TSPOAP1: variants seen among roughly 807,000 people sequenced by gnomAD.
TSPOAP1 encodes the protein peripheral-type benzodiazepine receptor-associated protein 1.
Under a neutral mutation model 197.0 loss-of-function variants are expected in TSPOAP1, and 87 were observed. The observed-to-expected ratio is 0.44, with a 90% CI of 0.37 to 0.53. TSPOAP1 has a LOEUF of 0.53. Among genes scored for constraint, TSPOAP1 ranks in the 20% least tolerant of loss-of-function variants. The pLI, the probability that TSPOAP1 is intolerant of heterozygous loss-of-function variation, is 0.00. For missense variants in TSPOAP1, 2,174 were observed against 2,411.3 expected, an observed-to-expected ratio of 0.90 and a Z score of 2.06; for synonymous variants, 913 against 998.9, an observed-to-expected ratio of 0.91 and a Z score of 1.62.
In TSPOAP1 at chr17:58,302,287, C is replaced by T; in HGVS notation, c.*193G>A. The stretch of plus-strand genomic sequence containing the variant: ...ACAGCTTCACTCCTTCTTCCCAGAG[C>T]CCAGCCTCCTGAGGAGCTGCTTCCC... On this transcript the variant is annotated 3_prime_UTR_variant, in exon 32 of 32. Coordinates refer to ENST00000343736, the MANE Select transcript of TSPOAP1 (RefSeq NM_004758.4). The T allele has an allele frequency of 1.6e-6, 2 of 1,289,660 alleles. No homozygotes were observed. The highest frequency in any genetic ancestry group is 2.5e-5 in the South Asian group (2 of 81,030). 79.9% of individuals were successfully genotyped at this position (1,289,660 alleles called of 1,614,324 possible).
In TSPOAP1 at chr17:58,304,242, A is replaced by G; in HGVS notation, c.*32+96T>C. 1 of 1,097,106 alleles carries G rather than the reference A, an allele frequency of 9.1e-7. No individual in the cohort carries two copies. The highest frequency in any genetic ancestry group is 1.4e-6 in the Non-Finnish European group (1 of 736,834). 68.0% of individuals were successfully genotyped at this position (1,097,106 alleles called of 1,614,324 possible). A position where few individuals can be genotyped will look rare whatever the true frequency, so the allele number is the denominator to read the frequency against. On this transcript the variant is annotated intron_variant, in intron 31 of 31. Transcript: ENST00000343736. The surrounding 1 kb of genome is among the most constrained non-coding windows in gnomAD (Gnocchi z 4.2). ...GCCATTCCCTGGACTACAGTGGGAA[A>G]GCTGGGTCAGCTCCAGTATTTGAGA...
In TSPOAP1 at chr17:58,306,347, T is replaced by C. The variant is rs1015707651; in HGVS notation, c.5219A>G (p.Lys1740Arg). The change falls in exon 26 of 32, where the codon AAG (lysine) becomes AGG (arginine). Residue 1740 changes from lysine to arginine, a missense_variant. Physicochemically the swap from Lys to Arg is conservative, Grantham distance 26. Coordinates refer to ENST00000343736, the MANE Select transcript of TSPOAP1 (RefSeq NM_004758.4). The part of the protein sequence containing the change: ...TGPPPKPRRS[K>R]KAESEGPAQP... ...GAGAATGGGGTCTTACCCACCTTTC[T>C]TGGAGCGGCGGGGCTTGGGAGGAGG... 1.3e-6 allele frequency: 2 copies of C among 1,554,540 alleles called. No homozygotes were observed. The highest frequency in any genetic ancestry group is 1.2e-5 in the South Asian group (1 of 84,198).
intron 29 of TSPOAP1, 29 bp from the exon 30 acceptor site, chr17:58,305,200 A>G: frequency 6.4e-7 from 1 of 1,567,948 alleles, no homozygotes; most frequent in Non-Finnish European, 8.8e-7. Flanking sequence ...TGAGACTGAG[A>G]TCAGGAAAGA....
In TSPOAP1 at chr17:58,302,308, T is replaced by A. The variant is rs1467200722; in HGVS notation, c.*172A>T. 7.8e-7 allele frequency: 1 copy of A among 1,289,494 alleles called. No homozygotes were observed. Among genetic ancestry groups the A allele is most frequent in the Admixed American group, 2.3e-5 (1 of 43,538 alleles). The allele number at this position is 1,289,494 out of a possible 1,614,324, so 79.9% of individuals were successfully genotyped here. Reference sequence around the variant, plus strand: ...AGAGCCCAGCCTCCTGAGGAGCTGCTTCCCCTTGGAGAAGAAACCCCACAC... The same window carrying A: ...AGAGCCCAGCCTCCTGAGGAGCTGCATCCCCTTGGAGAAGAAACCCCACAC... On this transcript the variant is annotated 3_prime_UTR_variant, in exon 32 of 32. Transcript: ENST00000343736.
chr17:58,319,579 C>T (rs1260229341), intron 12 of TSPOAP1, among the ~76,000 whole-genome samples: 1 of 152,256 alleles, frequency 6.6e-6, no homozygotes, highest in Admixed American at 6.5e-5. Context: ...GATGGCACCT[C>T]TGCCTCTGGC....
Position 58,310,612 on chromosome 17 carries a change from G to A in TSPOAP1, c.3599C>T (p.Pro1200Leu), listed in dbSNP as rs142431736. Residue 1200 changes from proline (P) to leucine (L), a missense_variant, in exon 20 of 32, where the codon CCG becomes CTG. By Grantham distance (98) the Pro-to-Leu change is moderately conservative. Coordinates refer to ENST00000343736, the MANE Select transcript of TSPOAP1 (RefSeq NM_004758.4). ...EAEWTAGEAC[P>L]ASSSTQGARA... ...TGCTCCCTGGGTGGAGCTGGAGGCC[G>A]GACAGGCCTCTCCTGCAGTCCACTC... 301 of 1,613,116 alleles carry A rather than the reference G, an allele frequency of 1.9e-4. No homozygotes were observed. Among genetic ancestry groups the A allele is most frequent in the Non-Finnish European group, 2.4e-4 (278 of 1,180,042 alleles).
rs1452758677 is a variant in TSPOAP1 at position 58,319,155 on chromosome 17, C to T, written c.1634G>A (p.Gly545Glu). ...LTSALDCGSLGDCPPPPCCCS... is the reference protein window; with the variant it reads ...LTSALDCGSLEDCPPPPCCCS... Reference sequence around the variant, plus strand: ...GCAGCAGGGGGGTGGTGGGCAGTCTCCAAGGCTCCCACAGTCCAGGGCAGA... The same window carrying T: ...GCAGCAGGGGGGTGGTGGGCAGTCTTCAAGGCTCCCACAGTCCAGGGCAGA... Residue 545 changes from glycine to glutamate, a missense_variant, in exon 13 of 32, where the codon GGA becomes GAA. Gly to Glu is a moderately conservative substitution (Grantham distance 98). Around this residue, in one of 5 missense-constraint regions of TSPOAP1, gnomAD observed 1,933 missense variants for 2,139.0 expected, o/e 0.90. Coordinates refer to ENST00000343736, the MANE Select transcript of TSPOAP1 (RefSeq NM_004758.4). 22 of 1,559,882 alleles carry T rather than the reference C, an allele frequency of 1.4e-5. No homozygotes were observed. Among genetic ancestry groups the T allele is most frequent in the Non-Finnish European group, 1.9e-5 (22 of 1,151,306 alleles).
intron 7 of TSPOAP1, 44 bp downstream of exon 7, chr17:58,323,254 G>T: frequency 6.2e-7 from 1 of 1,609,728 alleles, no homozygotes. Context: ...GGCTGGCCGG[G>T]GTGAAGGGAG....
At position 58,306,380 on chromosome 17, in the gene TSPOAP1, G is replaced by C. The variant is rs1262745118; in HGVS notation, c.5186C>G (p.Thr1729Arg). Residue 1729 changes from threonine (T) to arginine (R), a missense_variant, in exon 26 of 32, where the codon ACA becomes AGA. By Grantham distance (71) the Thr-to-Arg change is moderately conservative. Transcript: ENST00000343736. ...NGPFVYSTAH[T>R]TGPPPKPRRS... ...GCGGGGCTTGGGAGGAGGCCCAGTTGTGTGGGCTGTGGAGTACACAAACGG... is the reference window on the plus strand; with the variant it reads ...GCGGGGCTTGGGAGGAGGCCCAGTTCTGTGGGCTGTGGAGTACACAAACGG... 1 of 1,555,286 alleles carries C rather than the reference G, an allele frequency of 6.4e-7. No individual in the cohort carries two copies. The highest frequency in any genetic ancestry group is 1.9e-5 in the Admixed American group (1 of 51,568).
At chr17:58,314,345 T>TTA (rs1244445301) in intron 16 of TSPOAP1, among the ~76,000 whole-genome samples, 1 of 152,238 alleles carries the variant, frequency 6.6e-6, no homozygotes, top group Non-Finnish European at 1.5e-5. Context: ...GAACATGACC[T>TTA]TATTTGGAAA....
In TSPOAP1 at chr17:58,309,432, T is replaced by TG. The variant is rs1253862370; in HGVS notation, c.3892-53dup. 2 of 1,550,006 alleles carry TG rather than the reference T, an allele frequency of 1.3e-6. No homozygotes were observed. Among genetic ancestry groups the TG allele is most frequent in the Non-Finnish European group, 1.7e-6 (2 of 1,151,360 alleles). ...GAACACAGCAGGGAAGAGAGATGCG[T>TG]GGGGAAGAGGAGAGCGAGCTGCGAT... On this transcript the variant is annotated intron_variant, in intron 21 of 31. Coordinates refer to ENST00000343736, the MANE Select transcript of TSPOAP1 (RefSeq NM_004758.4). The surrounding 1 kb of genome is among the most constrained non-coding windows in gnomAD (Gnocchi z 5.0).
Position 58,316,077 on chromosome 17 carries a change from C to A in TSPOAP1, c.2044G>T (p.Ala682Ser). The A allele has an allele frequency of 6.2e-7, 1 of 1,614,196 alleles. No individual in the cohort carries two copies. The highest frequency in any genetic ancestry group is 8.5e-7 in the Non-Finnish European group (1 of 1,180,040). Reference sequence around the variant, plus strand: ...CCATAGATGTAGATGTACTCGCCAGCTGTCAGCGGAAGCTCTGCTTCTGGA... The same window carrying A: ...CCATAGATGTAGATGTACTCGCCAGATGTCAGCGGAAGCTCTGCTTCTGGA... ...ENPEAELPLTAGEYIYIYGNM... is the reference protein window; with the variant it reads ...ENPEAELPLTSGEYIYIYGNM... The change falls in exon 16 of 32, where the codon GCT becomes TCT. Residue 682 changes from alanine to serine, a missense_variant. Ala to Ser is a moderately conservative substitution (Grantham distance 99, BLOSUM62 1). Transcript: ENST00000343736.
Position 58,312,376 on chromosome 17 carries a change from A to T in TSPOAP1, c.2445T>A (p.Pro815=), listed in dbSNP as rs776828014. 28 of 1,611,900 alleles carry T rather than the reference A, an allele frequency of 1.7e-5. No homozygotes were observed. The highest frequency in any genetic ancestry group is 2.2e-5 in the Non-Finnish European group (26 of 1,179,234). ...HSVVLAWEPP[P]EQVELHGFHI... Reference sequence around the variant, plus strand: ...GGAAGCCGTGTAGCTCCACTTGCTCAGGAGGCGGCTCCCAGGCCAGCACCA... The same window carrying T: ...GGAAGCCGTGTAGCTCCACTTGCTCTGGAGGCGGCTCCCAGGCCAGCACCA... Residue 815 remains proline, a synonymous_variant, in exon 17 of 32, where the codon CCT becomes CCA. Transcript: ENST00000343736.
chr17:58,304,391 C>A lies in TSPOAP1; in HGVS notation c.5553G>T (p.Arg1851Ser). 6.2e-7 allele frequency: 1 copy of A among 1,613,850 alleles called. No homozygotes were observed. Among genetic ancestry groups the A allele is most frequent in the Non-Finnish European group, 8.5e-7 (1 of 1,179,754 alleles). The change falls in exon 31 of 32, where the codon AGG becomes AGT. Residue 1851 changes from arginine to serine, a missense_variant. Arg to Ser is a moderately radical substitution (Grantham distance 110). Around this residue, in one of 5 missense-constraint regions of TSPOAP1, gnomAD observed 60 missense variants for 56.2 expected, o/e 1.07. Transcript: ENST00000343736. The surrounding 1 kb of genome is among the most constrained non-coding windows in gnomAD (Gnocchi z 4.2). ...CCATCTAGCACTGGACTCTTCTCCT[C>A]CTCGTTCTCTGAGGACAGGGAACAA... ...RTPQAESQRT[R>S]RRRVQC
In TSPOAP1 at chr17:58,309,398, G is replaced by T. The variant is rs1294484515; in HGVS notation, c.3892-18C>A. The T allele has an allele frequency of 1.3e-6, 2 of 1,596,488 alleles. No individual in the cohort carries two copies. Among genetic ancestry groups the T allele is most frequent in the Non-Finnish European group, 8.5e-7 (1 of 1,173,722 alleles). On this transcript the variant is annotated intron_variant, in intron 21 of 31. Transcript: ENST00000343736. The surrounding 1 kb of genome is among the most constrained non-coding windows in gnomAD (Gnocchi z 5.0). Reference sequence around the variant, plus strand: ...GGCTGGGACTGGTGGAGGTGGGGAGGTGGGAGTAGAACACAGCAGGGAAGA... The same window carrying T: ...GGCTGGGACTGGTGGAGGTGGGGAGTTGGGAGTAGAACACAGCAGGGAAGA...
chr17:58,304,062 AATAGGAAGC>A lies in TSPOAP1; in HGVS notation c.*32+267_*32+275del, dbSNP rs1171224889. Reference sequence around the variant, plus strand: ...GTTCTATAAACCACATGTGTTATAGAATAGGAAGCATCAGCTAATATGGGACATCACACA... The same window carrying A: ...GTTCTATAAACCACATGTGTTATAGAATCAGCTAATATGGGACATCACACA... On this transcript the variant is annotated intron_variant, in intron 31 of 31. Coordinates refer to ENST00000343736, the MANE Select transcript of TSPOAP1 (RefSeq NM_004758.4). The surrounding 1 kb of genome is among the most constrained non-coding windows in gnomAD (Gnocchi z 4.2). 175 of 422,506 alleles carry A rather than the reference AATAGGAAGC, an allele frequency of 4.1e-4. 1 individual carries two copies. In the East Asian group the frequency reaches 6.2e-3, roughly 15 times the overall value. The allele number at this position is 422,506 out of a possible 1,614,324, so 26.2% of individuals were successfully genotyped here. A position where few individuals can be genotyped will look rare whatever the true frequency, so the allele number is the denominator to read the frequency against.
intron 22 of TSPOAP1, 118 bp downstream of exon 22, chr17:58,308,423 G>A (rs998554890): frequency 1.1e-5 from 16 of 1,433,428 alleles, no homozygotes; most frequent in Admixed American, 2.4e-5. Context: ...CCGGAGGCCC[G>A]GCCCCACCTC....
chr17:58,327,823 C>T lies in TSPOAP1; in HGVS notation c.98G>A (p.Gly33Asp), dbSNP rs1971698370. The T allele has an allele frequency of 6.2e-7, 1 of 1,613,870 alleles. No individual in the cohort carries two copies. Among genetic ancestry groups the T allele is most frequent in the Non-Finnish European group, 8.5e-7 (1 of 1,180,006 alleles). ...TWHSWTPGRG[G>D]EPSSAAPSIA... ...GCTTGGGGCTGCACTGCTAGGTTCACCCCCTCGACCTGGAGTCCAGCTATG... is the reference window on the plus strand; with the variant it reads ...GCTTGGGGCTGCACTGCTAGGTTCATCCCCTCGACCTGGAGTCCAGCTATG... Residue 33 changes from glycine to aspartate, a missense_variant, in exon 1 of 32, where the codon GGT becomes GAT. By Grantham distance (94) the Gly-to-Asp change is moderately conservative. Transcript: ENST00000343736.
In TSPOAP1 at chr17:58,322,616, G is replaced by C. The variant is rs761515118; in HGVS notation, c.1317+38C>G. 2 of 1,601,872 alleles carry C rather than the reference G, an allele frequency of 1.2e-6. No homozygotes were observed. The highest frequency in any genetic ancestry group is 1.7e-6 in the Non-Finnish European group (2 of 1,177,710). ...GCTGTCCCACTTGCTCCCCATGCCA[G>C]GGCCCAGCACCCTCTCCCACCTGCA... On this transcript the variant is annotated intron_variant, in intron 9 of 31. Coordinates refer to ENST00000343736, the MANE Select transcript of TSPOAP1 (RefSeq NM_004758.4). This position sits in a 1 kb window ranked among gnomAD's most constrained non-coding sequence, Gnocchi z 5.0.
Sources: allele counts gnomAD v4.1 joint callset (sites outside exome capture counted in the v4.1 genomes callset), GRCh38; gene constraint gnomAD v4.1.1; regional missense constraint gnomAD v4.1.1; non-coding constraint Gnocchi (gnomAD v3.1); transcripts MANE v1.5; gene names NCBI Gene and HGNC (gene_info 2026-07-23, HGNC 2026-07-21).